Variants in SLC35F4 observed in about 807,000 individuals in gnomAD.
SLC35F4 encodes the protein solute carrier family 35 member F4, also known as chromosome 14 open reading frame 36.
Under a neutral mutation model 44.2 loss-of-function variants are expected in SLC35F4, and 24 were observed. That is an observed-to-expected ratio of 0.54 (90% CI 0.39 to 0.76). SLC35F4 has a LOEUF of 0.76. Among genes scored for constraint, SLC35F4 ranks in the 30% least tolerant of loss-of-function variants. The pLI, the probability that SLC35F4 is intolerant of heterozygous loss-of-function variation, is 0.00. For missense variants in SLC35F4, 562 were observed against 586.1 expected, an observed-to-expected ratio of 0.96 and a Z score of 0.42; for synonymous variants, 238 against 223.6, an observed-to-expected ratio of 1.06 and a Z score of -0.57.
chr14:57,706,465 G>T (rs996909640), intron 1 of SLC35F4, among the ~76,000 whole-genome samples: 4 of 152,184 alleles, frequency 2.6e-5, no homozygotes, highest in Non-Finnish European at 4.4e-5. Context: ...AGAGGATACA[G>T]CAGTAAACAA....
At chr14:57,973,841 T>C (rs1383063896), downstream of SLC35F4, among the ~76,000 whole-genome samples, 1 of 152,114 alleles carries the variant, frequency 6.6e-6, no homozygotes, top group African/African-American at 2.4e-5. Context: ...AACACAGTTA[T>C]GAGGGTAACA....
intron 1 of SLC35F4, among the ~76,000 whole-genome samples, chr14:57,902,993 A>G (rs961290065): frequency 6.6e-6 from 1 of 152,110 alleles, no homozygotes; most frequent in Non-Finnish European, 1.5e-5. Flanking sequence ...ATTTTAGTAT[A>G]TATTTCTACC....
At chr14:57,642,598 CT>C (rs2073303071) in intron 1 of SLC35F4, among the ~76,000 whole-genome samples, 1 of 151,652 alleles carries the variant, frequency 6.6e-6, no homozygotes, top group Non-Finnish European at 1.5e-5. Flanking sequence ...GAACTGTTTA[CT>C]TTTTTTGATG....
At chr14:57,714,227 T>C (rs1237862483) in intron 1 of SLC35F4, among the ~76,000 whole-genome samples, 1 of 152,178 alleles carries the variant, frequency 6.6e-6, no homozygotes, top group Non-Finnish European at 1.5e-5. Context: ...AGTTTCTCCA[T>C]AATTGGTTAA....
chr14:57,686,967 G>T lies in SLC35F4; in HGVS notation c.104-92843C>A, dbSNP rs185273916. On this transcript the variant is annotated intron_variant, in intron 1 of 7. Coordinates refer to ENST00000556826, the MANE Select transcript of SLC35F4 (RefSeq NM_001306087.2). ...TTTATAGGAATAATTAGGTGAAAAT[G>T]AGATCATTAAGATGGCCCTTAATTC... Among the ~76,000 whole-genome samples the T allele has an allele frequency of 2.0e-3, 308 of 152,150 alleles. 2 individuals carry two copies. The highest frequency in any genetic ancestry group is 7.1e-3 in the African/African-American group (295 of 41,496).
chr14:57,891,956 G>A (rs1002892340), intron 1 of SLC35F4, among the ~76,000 whole-genome samples: 2 of 152,078 alleles, frequency 1.3e-5, no homozygotes, highest in African/African-American at 4.8e-5. Context: ...TTATAGAAAA[G>A]TTCTACAAAT....
intron 1 of SLC35F4, among the ~76,000 whole-genome samples, chr14:57,711,221 C>G (rs1324214205): frequency 6.6e-6 from 1 of 152,100 alleles, no homozygotes; most frequent in Non-Finnish European, 1.5e-5. Context: ...TCTGCTTGCA[C>G]TTCTCCCTGC....
At chr14:57,632,437 G>T (rs1406942112) in intron 1 of SLC35F4, among the ~76,000 whole-genome samples, 1 of 152,030 alleles carries the variant, frequency 6.6e-6, no homozygotes, top group Non-Finnish European at 1.5e-5. Flanking sequence ...AAGAAAGACA[G>T]GCCTTCAAGG....
rs753407473 is a variant in SLC35F4 at position 57,564,086 on chromosome 14, G to C, written c.*49C>G. 1.9e-6 allele frequency: 3 copies of C among 1,570,540 alleles called. No individual in the cohort carries two copies. The highest frequency in any genetic ancestry group is 1.7e-6 in the Non-Finnish European group (2 of 1,151,570). ...AGTGTACAGGTAGTGAGAAAATTTTGTTATATTCACAGAATATACATACAC... is the reference window on the plus strand; with the variant it reads ...AGTGTACAGGTAGTGAGAAAATTTTCTTATATTCACAGAATATACATACAC... On this transcript the variant is annotated 3_prime_UTR_variant, in exon 8 of 8. Transcript: ENST00000556826.
chr14:57,944,526 T>G (rs1451771441), intron 1 of SLC35F4, among the ~76,000 whole-genome samples: 1 of 152,038 alleles, frequency 6.6e-6, no homozygotes, highest in Non-Finnish European at 1.5e-5. Context: ...CATCTCATAT[T>G]TATTATTAAC....
intron 1 of SLC35F4, among the ~76,000 whole-genome samples, chr14:57,880,277 A>C (rs1354463145): frequency 6.6e-6 from 1 of 152,190 alleles, no homozygotes; most frequent in Non-Finnish European, 1.5e-5. Flanking sequence ...GAACTCAGTA[A>C]ATGTAAAATA....
intron 1 of SLC35F4, among the ~76,000 whole-genome samples, chr14:57,942,108 T>C (rs559403060): frequency 6.6e-6 from 1 of 152,344 alleles, no homozygotes; most frequent in East Asian, 1.9e-4. Context: ...GAGATGCCAC[T>C]GACTGAAATA....
chr14:57,708,658 G>A (rs1447026099), intron 1 of SLC35F4, among the ~76,000 whole-genome samples: 5 of 152,148 alleles, frequency 3.3e-5, no homozygotes, highest in Admixed American at 6.5e-5. Context: ...GTGCGGAGAC[G>A]AGAGATTGTA....
intron 1 of SLC35F4, among the ~76,000 whole-genome samples, chr14:57,933,219 C>T (rs1235063344): frequency 1.3e-5 from 2 of 151,692 alleles, no homozygotes; most frequent in South Asian, 2.1e-4. Context: ...GATGGGGTTT[C>T]ACCATATTGA....
intron 1 of SLC35F4, among the ~76,000 whole-genome samples, chr14:57,863,026 T>A (rs183739428): frequency 0.015 from 2,249 of 151,960 alleles, 39 homozygotes; most frequent in African/African-American, 0.047. Context: ...TCATCTTTTT[T>A]AAAAAAAATG....
At chr14:57,663,032 G>C (rs536861246) in intron 1 of SLC35F4, among the ~76,000 whole-genome samples, 3 of 152,102 alleles carry the variant, frequency 2.0e-5, no homozygotes, top group Non-Finnish European at 4.4e-5. Context: ...CTTTTTCCCT[G>C]ATTGCTTCAT....
At position 57,814,246 on chromosome 14, in the gene SLC35F4, A is replaced by G. The variant is rs1178692350; in HGVS notation, c.103+51477T>C. On this transcript the variant is annotated intron_variant, in intron 1 of 7. Coordinates refer to ENST00000556826, the MANE Select transcript of SLC35F4 (RefSeq NM_001306087.2). ...AAATGTGCAATCAAGTTCATTAAAC[A>G]TATTTAATAAAGATTTACTACCTAG... Among the ~76,000 whole-genome samples, 3 of 152,254 alleles carry G rather than the reference A, an allele frequency of 2.0e-5. No individual in the cohort carries two copies. The East Asian group carries it at 5.8e-4, about 29-fold the overall frequency.
intron 1 of SLC35F4, among the ~76,000 whole-genome samples, chr14:57,789,590 C>G (rs2077860595): frequency 6.6e-6 from 1 of 152,166 alleles, no homozygotes; most frequent in African/African-American, 2.4e-5. Flanking sequence ...GGTACCATTC[C>G]TTTTGAAACT....
At chr14:57,858,934 A>T (rs900953324) in intron 1 of SLC35F4, among the ~76,000 whole-genome samples, 146 of 121,954 alleles carry the variant, frequency 1.2e-3, no homozygotes, top group African/African-American at 4.2e-3. Context: ...CCTGATCTCT[A>T]AAAAAAAAAA....
Sources: allele counts gnomAD v4.1 joint callset (sites outside exome capture counted in the v4.1 genomes callset), GRCh38; gene constraint gnomAD v4.1.1; transcripts MANE v1.5; gene names NCBI Gene and HGNC (gene_info 2026-07-23, HGNC 2026-07-21).